The following GMDS variants were observed in gnomAD, a reference collection of about 807,000 sequenced individuals.
GMDS encodes the protein GDP-mannose 4,6-dehydratase.
A neutral mutation model predicts 49.9 loss-of-function variants in GMDS; 20 were observed. The observed-to-expected ratio is 0.40, with a 90% CI of 0.28 to 0.58. GMDS has a LOEUF of 0.58. Among genes scored for constraint, GMDS ranks in the 20% least tolerant of loss-of-function variants. GMDS has a pLI of 0.42. For synonymous variants in GMDS, 177 were observed against 178.6 expected (o/e 0.99, Z 0.07); for missense variants, 362 against 481.4 (o/e 0.75, Z 2.32).
chr6:2,179,934 G>T (rs1204496976), intron 1 of GMDS, among the ~76,000 whole-genome samples: 34 of 151,962 alleles, frequency 2.2e-4, no homozygotes, highest in Non-Finnish European at 1.5e-5. Flanking sequence ...GAAACTTAAG[G>T]TGATACACCC....
At chr6:1,631,262 G>A (rs1223243860) in intron 9 of GMDS, among the ~76,000 whole-genome samples, 3 of 152,064 alleles carry the variant, frequency 2.0e-5, no homozygotes, top group Admixed American at 6.5e-5. Context: ...AAGAGATTTT[G>A]TATCTGTTGC....
chr6:2,232,238 A>G (rs747684436), intron 1 of GMDS, among the ~76,000 whole-genome samples: 1 of 152,066 alleles, frequency 6.6e-6, no homozygotes, highest in Non-Finnish European at 1.5e-5. Context: ...TAGCCACCAT[A>G]TATCAATCTC....
chr6:1,700,043 A>G (rs1405037987), intron 9 of GMDS, among the ~76,000 whole-genome samples: 1 of 152,124 alleles, frequency 6.6e-6, no homozygotes, highest in Non-Finnish European at 1.5e-5. Flanking sequence ...ATATTTTTGC[A>G]TTCTTTTTCT....
chr6:1,919,660 G>A (rs1369117740), intron 7 of GMDS, among the ~76,000 whole-genome samples: 3 of 152,186 alleles, frequency 2.0e-5, no homozygotes. Flanking sequence ...CTGGAAATTT[G>A]ATCCCAAGAG....
At chr6:1,906,807 G>T (rs1221030595) in intron 7 of GMDS, among the ~76,000 whole-genome samples, 3 of 152,146 alleles carry the variant, frequency 2.0e-5, no homozygotes, top group Admixed American at 1.3e-4. Context: ...AGACAGAAGC[G>T]GCTGTTCCCA....
At chr6:1,684,840 C>T (rs150628878) in intron 9 of GMDS, among the ~76,000 whole-genome samples, 5 of 152,114 alleles carry the variant, frequency 3.3e-5, no homozygotes, top group South Asian at 2.1e-4. Flanking sequence ...GGGGTTAAAC[C>T]GAGTCCAGCA....
At chr6:1,667,761 A>G (rs1356103417) in intron 9 of GMDS, among the ~76,000 whole-genome samples, 1 of 142,816 alleles carries the variant, frequency 7.0e-6, no homozygotes, top group African/African-American at 2.6e-5. Context: ...TATTTGTATT[A>G]TTTTTCTTCT....
intron 9 of GMDS, among the ~76,000 whole-genome samples, chr6:1,708,970 C>G (rs1765844552): frequency 6.6e-6 from 1 of 152,206 alleles, no homozygotes; most frequent in African/African-American, 2.4e-5. Flanking sequence ...TCCCTCAAAG[C>G]CTTCATACCT....
intron 4 of GMDS, among the ~76,000 whole-genome samples, chr6:2,005,602 C>T (rs1767112490): frequency 1.3e-5 from 2 of 152,302 alleles, no homozygotes; most frequent in East Asian, 1.9e-4. Context: ...CTATCAGGAC[C>T]AATATCTTAC....
At chr6:2,075,573 A>G (rs1165067152) in intron 4 of GMDS, among the ~76,000 whole-genome samples, 1 of 152,220 alleles carries the variant, frequency 6.6e-6, no homozygotes, top group Non-Finnish European at 1.5e-5. Flanking sequence ...ATGTTCCTAC[A>G]AAGGACATGA....
At chr6:1,764,277 T>G (rs940612552) in intron 7 of GMDS, among the ~76,000 whole-genome samples, 1 of 152,068 alleles carries the variant, frequency 6.6e-6, no homozygotes, top group Admixed American at 6.6e-5. Flanking sequence ...GAGGCCCGTG[T>G]GTGGGATGTG....
chr6:2,081,215 A>AG (rs1239037285), intron 4 of GMDS, among the ~76,000 whole-genome samples: 1 of 152,150 alleles, frequency 6.6e-6, no homozygotes, highest in Admixed American at 6.5e-5. Context: ...GGAAAAAAAA[A>AG]CAAAACAAAA....
At chr6:1,676,606 T>G (rs868624825) in intron 9 of GMDS, among the ~76,000 whole-genome samples, 2 of 152,178 alleles carry the variant, frequency 1.3e-5, no homozygotes, top group Middle Eastern at 3.4e-3. Context: ...TGGAACAGAA[T>G]AGAGTCCCTG....
chr6:1,783,565 G>C (rs559949694), intron 7 of GMDS, among the ~76,000 whole-genome samples: 5 of 152,282 alleles, frequency 3.3e-5, no homozygotes, highest in Admixed American at 2.6e-4. Context: ...TATAGAATCT[G>C]AATAAAATTA....
intron 4 of GMDS, among the ~76,000 whole-genome samples, chr6:1,962,965 C>A (rs952002749): frequency 2.0e-5 from 3 of 150,638 alleles, no homozygotes; most frequent in African/African-American, 7.3e-5. Context: ...CAACCTCTGC[C>A]TCCCGGGTTC....
intron 9 of GMDS, chr6:1,624,860 A>G (rs1353033341): frequency 4.4e-6 from 1 of 226,096 alleles, no homozygotes; most frequent in Non-Finnish European, 8.0e-6. Flanking sequence ...TTTTTATAAC[A>G]TGAAGTTGTC....
At chr6:1,671,511 T>C (rs1764423086) in intron 9 of GMDS, among the ~76,000 whole-genome samples, 1 of 152,094 alleles carries the variant, frequency 6.6e-6, no homozygotes, top group Admixed American at 6.5e-5. Context: ...TCACAATGTA[T>C]ATAAATGTAA....
intron 9 of GMDS, among the ~76,000 whole-genome samples, chr6:1,648,716 T>C (rs1763559983): frequency 6.6e-6 from 1 of 152,254 alleles, no homozygotes; most frequent in Admixed American, 6.5e-5. Flanking sequence ...TCCCAAATAA[T>C]GAAACGTAAC....
At chr6:1,861,179 G>A (rs1758165545) in intron 7 of GMDS, among the ~76,000 whole-genome samples, 2 of 152,172 alleles carry the variant, frequency 1.3e-5, no homozygotes, top group South Asian at 2.1e-4. Flanking sequence ...TGCACACAAG[G>A]GGAAAGCACC....
Sources: gnomAD v4.1 joint callset for allele counts (sites outside exome capture counted in the v4.1 genomes callset) on GRCh38, gnomAD v4.1.1 for gene constraint, MANE v1.5 for transcripts, NCBI Gene and HGNC (gene_info 2026-07-23, HGNC 2026-07-21) for gene names.